TAOK1: variants seen among roughly 807,000 people sequenced by gnomAD.
TAOK1 encodes the protein TAO kinase 1.
In TAOK1, 21 loss-of-function variants were observed where a neutral mutation model predicts 138.3. The observed-to-expected ratio is 0.15, with a 90% CI of 0.11 to 0.22. The LOEUF (loss-of-function observed/expected upper bound fraction) is 0.22. TAOK1 is among the 10% of genes least tolerant of loss of function. TAOK1 has a pLI of 1.00. For missense variants in TAOK1, 651 were observed against 1,227.7 expected, an observed-to-expected ratio of 0.53 and a Z score of 7.02; for synonymous variants, 361 against 398.4, an observed-to-expected ratio of 0.91 and a Z score of 1.12.
At chr17:29,526,595 G>A (rs2032013679) in intron 17 of TAOK1, among the ~76,000 whole-genome samples, 1 of 151,920 alleles carries the variant, frequency 6.6e-6, no homozygotes, top group Non-Finnish European at 1.5e-5. Context: ...TGTATATTTA[G>A]TAGAGAAGGG....
At chr17:29,457,731 C>G (rs1294643266) in intron 2 of TAOK1, among the ~76,000 whole-genome samples, 1 of 151,990 alleles carries the variant, frequency 6.6e-6, no homozygotes, top group East Asian at 1.9e-4. Flanking sequence ...AAGTGCCATC[C>G]AAACAATGCC....
chr17:29,432,411 GC>G (rs1905871399), intron 1 of TAOK1, among the ~76,000 whole-genome samples: 2 of 152,312 alleles, frequency 1.3e-5, no homozygotes, highest in South Asian at 2.1e-4. Flanking sequence ...ACAACCTTCG[GC>G]GTGGGCATCA....
In TAOK1 at chr17:29,545,967, T is replaced by C. The variant is rs909030497; in HGVS notation, c.*2945T>C. On this transcript the variant is annotated 3_prime_UTR_variant, in exon 20 of 20. Coordinates refer to ENST00000261716, the MANE Select transcript of TAOK1 (RefSeq NM_020791.4). ...TTGGGGTCACTCTATCTCACATTTT[T>C]TTTGGTTAGCATTTTAAAAATGCAA... 1 of 152,132 alleles carries C rather than the reference T, an allele frequency of 6.6e-6. No homozygotes were observed. Among genetic ancestry groups the C allele is most frequent in the Non-Finnish European group, 1.5e-5 (1 of 67,962 alleles). The allele number at this position is 152,132 out of a possible 1,614,324, so 9.4% of individuals were successfully genotyped here.
chr17:29,526,579 G>T (rs1290619723), intron 17 of TAOK1, among the ~76,000 whole-genome samples: 2 of 151,864 alleles, frequency 1.3e-5, no homozygotes, highest in African/African-American at 4.8e-5. Flanking sequence ...CCACCTGGCT[G>T]ATTTTTGTAT....
rs1307567542 is a variant in TAOK1, at chr17:29,439,012, C to G, written c.-94-12443C>G. On this transcript the variant is annotated intron_variant, in intron 1 of 19. Coordinates refer to ENST00000261716, the MANE Select transcript of TAOK1 (RefSeq NM_020791.4). ...CATATATTGCTATGTTACGTAGACA[C>G]TTTTTTTTCCCTGAACCGTTTGAAT... Among the ~76,000 whole-genome samples, 7 of 151,820 alleles carry G rather than the reference C, an allele frequency of 4.6e-5. No individual in the cohort carries two copies. The East Asian group carries it at 1.4e-3, about 29-fold the overall frequency.
chr17:29,404,761 G>A (rs1049500103), intron 1 of TAOK1, among the ~76,000 whole-genome samples: 15 of 152,140 alleles, frequency 9.9e-5, no homozygotes, highest in Non-Finnish European at 2.1e-4. Context: ...CTGCATTCCA[G>A]CTTGGGCAAC....
At chr17:29,419,481 C>T (rs1415131458) in intron 1 of TAOK1, among the ~76,000 whole-genome samples, 4 of 149,710 alleles carry the variant, frequency 2.7e-5, no homozygotes, top group Admixed American at 6.8e-5. Context: ...TGAGCCACTG[C>T]GCCCGGCAGT....
Position 29,451,601 on chromosome 17 carries a change from T to A in TAOK1, c.53T>A (p.Leu18His). Residue 18 changes from leucine to histidine, a missense_variant, in exon 2 of 20, where the codon CTC becomes CAC. By Grantham distance (99) the Leu-to-His change is moderately conservative. Coordinates refer to ENST00000261716, the MANE Select transcript of TAOK1 (RefSeq NM_020791.4). ...CTGAAGGACCCTGAAATTGCAGAGC[T>A]CTTCTTCAAAGAAGATCCAGAGAAG... Reference protein sequence around the residue: ...GSLKDPEIAELFFKEDPEKLF... With the variant: ...GSLKDPEIAEHFFKEDPEKLF... 1.2e-6 allele frequency: 2 copies of A among 1,613,948 alleles called. No individual in the cohort carries two copies. Among genetic ancestry groups the A allele is most frequent in the Non-Finnish European group, 1.7e-6 (2 of 1,179,946 alleles).
At chr17:29,414,546 A>G (rs1905223142) in intron 1 of TAOK1, among the ~76,000 whole-genome samples, 1 of 133,982 alleles carries the variant, frequency 7.5e-6, no homozygotes, top group Non-Finnish European at 1.6e-5. Flanking sequence ...CACTGTGTCC[A>G]GCCCAATACT....
At chr17:29,413,387 A>G (rs1284821617) in intron 1 of TAOK1, among the ~76,000 whole-genome samples, 4 of 152,130 alleles carry the variant, frequency 2.6e-5, no homozygotes, top group Non-Finnish European at 5.9e-5. Flanking sequence ...GTTTGAGCTC[A>G]GGAGTTCAGA....
intron 1 of TAOK1, among the ~76,000 whole-genome samples, chr17:29,447,872 T>G (rs1182227643): frequency 6.6e-6 from 1 of 150,854 alleles, no homozygotes; most frequent in Non-Finnish European, 1.5e-5. Flanking sequence ...GCCAGGCTGG[T>G]TTTGAACTTC....
At chr17:29,492,853 A>G (rs2031326400) in intron 10 of TAOK1, among the ~76,000 whole-genome samples, 1 of 148,674 alleles carries the variant, frequency 6.7e-6, no homozygotes, top group South Asian at 2.1e-4. Context: ...AATATGGTAA[A>G]TAGTAGGCTG....
chr17:29,482,141 A>G, intron 7 of TAOK1, 56 bp from the exon 8 acceptor site: 2 of 1,309,344 alleles, frequency 1.5e-6, no homozygotes, highest in South Asian at 1.2e-5. Context: ...TACATTCTCA[A>G]AGGATAGAAT....
chr17:29,535,437 C>T (rs2032205949), intron 19 of TAOK1, among the ~76,000 whole-genome samples: 1 of 152,166 alleles, frequency 6.6e-6, no homozygotes, highest in South Asian at 2.1e-4. Context: ...CGTCGGTTAT[C>T]GCATTTAATA....
At chr17:29,467,832 T>TA (rs2030709325) in intron 3 of TAOK1, among the ~76,000 whole-genome samples, 1 of 151,478 alleles carries the variant, frequency 6.6e-6, no homozygotes, top group South Asian at 2.1e-4. Context: ...TATTTATTTT[T>TA]ATTTTTTTTT....
At chr17:29,449,736 G>T (rs982323679) in intron 1 of TAOK1, among the ~76,000 whole-genome samples, 2 of 152,182 alleles carry the variant, frequency 1.3e-5, no homozygotes, top group African/African-American at 4.8e-5. Flanking sequence ...AGCTACTTGG[G>T]AGGCTGAGGC....
intron 16 of TAOK1, among the ~76,000 whole-genome samples, chr17:29,519,654 CAAATTA>C (rs1182108433): frequency 6.6e-6 from 1 of 151,924 alleles, no homozygotes; most frequent in South Asian, 2.1e-4. Flanking sequence ...CTAATAAATT[CAAATTA>C]AAACAGTTGC....
chr17:29,541,530 C>T (rs2032317121), intron 19 of TAOK1, among the ~76,000 whole-genome samples: 1 of 151,486 alleles, frequency 6.6e-6, no homozygotes, highest in Non-Finnish European at 1.5e-5. Flanking sequence ...AATCCCAGCA[C>T]TTTGGGAGGC....
intron 19 of TAOK1, among the ~76,000 whole-genome samples, chr17:29,540,865 C>T (rs576904513): frequency 7.2e-5 from 11 of 151,898 alleles, no homozygotes; most frequent in Non-Finnish European, 1.3e-4. Flanking sequence ...CCACTGTGCC[C>T]GGCCAATTTT....
Sources: gnomAD v4.1 joint callset for allele counts (sites outside exome capture counted in the v4.1 genomes callset) on GRCh38, gnomAD v4.1.1 for gene constraint, MANE v1.5 for transcripts, NCBI Gene and HGNC (gene_info 2026-07-23, HGNC 2026-07-21) for gene names.